The following COL12A1 variants were observed in gnomAD, a reference collection of about 807,000 sequenced individuals.
COL12A1 encodes the protein collagen type XII alpha 1 chain.
In COL12A1, 114 loss-of-function variants were observed where a neutral mutation model predicts 349.7. The ratio of observed to expected loss-of-function variants is 0.33; its 90% CI spans 0.28 to 0.38. COL12A1 has a LOEUF of 0.38. COL12A1 is among the 10% of genes least tolerant of loss of function. The pLI, the probability that COL12A1 is intolerant of heterozygous loss-of-function variation, is 1.00. For missense variants in COL12A1, 3,284 were observed against 3,756.9 expected, an observed-to-expected ratio of 0.87 and a Z score of 3.29; for synonymous variants, 1,369 against 1,329.0, an observed-to-expected ratio of 1.03 and a Z score of -0.66.
chr6:75,122,585 G>A lies in COL12A1; in HGVS notation c.6946+745C>T, dbSNP rs539607278. On this transcript the variant is annotated intron_variant, in intron 43 of 65. Coordinates refer to ENST00000322507, the MANE Select transcript of COL12A1 (RefSeq NM_004370.6). Reference sequence around the variant, plus strand: ...AATTTCTTTCTGTATCTAATTTAAAGGAATCCATTATTATTTTACCCCACA... The same window carrying A: ...AATTTCTTTCTGTATCTAATTTAAAAGAATCCATTATTATTTTACCCCACA... 4.8e-3 allele frequency among the ~76,000 whole-genome samples: 726 copies of A among 152,094 alleles called. 1 individual carries two copies. Among genetic ancestry groups the A allele is most frequent in the Middle Eastern group, 0.041 (12 of 294 alleles).
Position 75,101,759 on chromosome 6 carries a change from T to C in COL12A1, c.8470-106A>G, listed in dbSNP as rs1164590305. The C allele has an allele frequency of 4.7e-6, 6 of 1,288,376 alleles. No homozygotes were observed. In the Admixed American group the frequency reaches 1.3e-4, roughly 27 times the overall value. 79.8% of individuals were successfully genotyped at this position (1,288,376 alleles called of 1,614,324 possible). A position where few individuals can be genotyped will look rare whatever the true frequency, so the allele number is the denominator to read the frequency against. On this transcript the variant is annotated intron_variant, in intron 57 of 65. Coordinates refer to ENST00000322507, the MANE Select transcript of COL12A1 (RefSeq NM_004370.6). The stretch of plus-strand genomic sequence containing the variant: ...TTTTTTTAATTCCAGAGACTCTGAA[T>C]AGAAACAGGAGAACAGAGCCAAGCA...
At chr6:75,099,205 T>C (rs1484707867) in intron 58 of COL12A1, among the ~76,000 whole-genome samples, 1 of 152,226 alleles carries the variant, frequency 6.6e-6, no homozygotes, top group Admixed American at 6.5e-5. Context: ...GTTGGAAATA[T>C]TCCACTTCCC....
intron 21 of COL12A1, 61 bp downstream of exon 21, chr6:75,151,080 A>C: frequency 1.3e-6 from 1 of 745,758 alleles, no homozygotes; most frequent in Non-Finnish European, 1.9e-6. Flanking sequence ...ACCCAAAAGA[A>C]TAATTATTTG....
intron 21 of COL12A1, among the ~76,000 whole-genome samples, chr6:75,150,473 T>G (rs571235550): frequency 6.6e-6 from 1 of 152,320 alleles, no homozygotes; most frequent in African/African-American, 2.4e-5. Flanking sequence ...AGAGGTTATA[T>G]AATTTCTAAA....
At chr6:75,105,478 G>A (rs551781703) in intron 53 of COL12A1, among the ~76,000 whole-genome samples, 186 bp from the exon 54 acceptor site, 26 of 151,802 alleles carry the variant, frequency 1.7e-4, no homozygotes, top group Middle Eastern at 6.8e-3. Context: ...TATGCATTAC[G>A]TTAGGAAACC....
At chr6:75,161,480 C>G (rs1031737153) in intron 14 of COL12A1, among the ~76,000 whole-genome samples, 5 of 152,040 alleles carry the variant, frequency 3.3e-5, no homozygotes, top group African/African-American at 1.2e-4. Flanking sequence ...CAATCGTAAC[C>G]TAAAAATGAA....
At chr6:75,190,986 C>T (rs779529969) in intron 5 of COL12A1, among the ~76,000 whole-genome samples, 19 of 151,812 alleles carry the variant, frequency 1.3e-4, no homozygotes, top group Non-Finnish European at 2.7e-4. Context: ...TATTGTCATT[C>T]TGGGTCATAA....
At chr6:75,104,399 C>CTA (rs1299156423) in intron 54 of COL12A1, among the ~76,000 whole-genome samples, 2 of 152,118 alleles carry the variant, frequency 1.3e-5, no homozygotes, top group Non-Finnish European at 2.9e-5. Flanking sequence ...CATTTTGATT[C>CTA]TATATATGAG....
chr6:75,150,390 C>T (rs980032116), intron 21 of COL12A1, among the ~76,000 whole-genome samples: 1 of 152,068 alleles, frequency 6.6e-6, no homozygotes. Context: ...TTTAATACCC[C>T]TAAAAACATC....
At chr6:75,141,234 G>A (rs760426669) in intron 27 of COL12A1, among the ~76,000 whole-genome samples, 7 of 152,120 alleles carry the variant, frequency 4.6e-5, no homozygotes, top group Non-Finnish European at 5.9e-5. Flanking sequence ...TATGTAATGG[G>A]CTGAGCACTG....
chr6:75,134,967 G>C, intron 31 of COL12A1, 112 bp from the exon 32 acceptor site: 1 of 1,133,220 alleles, frequency 8.8e-7, no homozygotes, highest in Non-Finnish European at 1.2e-6. Flanking sequence ...TCAAGTTCCA[G>C]AATTACATAC....
intron 53 of COL12A1, 80 bp downstream of exon 53, chr6:75,106,339 C>T (rs1382510738): frequency 1.7e-6 from 2 of 1,200,408 alleles, no homozygotes; most frequent in African/African-American, 3.0e-5. Flanking sequence ...CTGTGCAGTG[C>T]TACTTCCTCT....
In COL12A1 at chr6:75,133,374, G is replaced by A. The variant is rs1766408982; in HGVS notation, c.5713C>T (p.Pro1905Ser). 1 of 1,612,408 alleles carries A rather than the reference G, an allele frequency of 6.2e-7. No individual in the cohort carries two copies. Among genetic ancestry groups the A allele is most frequent in the African/African-American group, 1.3e-5 (1 of 74,992 alleles). Residue 1905 changes from proline (P) to serine (S), a missense_variant, in exon 34 of 66, where the codon CCA (proline) becomes TCA (serine). Physicochemically the swap from Pro to Ser is moderately conservative, Grantham distance 74 (BLOSUM62 -1). Transcript: ENST00000322507. ...ACAGTCACAGTGTATGAGGTATCTG[G>A]CTGCAGATTCCTAAGAATGGCATAA... ...TNYAILRNLQPDTSYTVTVVP... is the reference protein window; with the variant it reads ...TNYAILRNLQSDTSYTVTVVP...
At chr6:75,136,666 G>T (rs1766622712) in intron 31 of COL12A1, among the ~76,000 whole-genome samples, 1 of 152,182 alleles carries the variant, frequency 6.6e-6, no homozygotes, top group Admixed American at 6.5e-5. Context: ...CAAAACTGGA[G>T]ATTTATTTTG....
In COL12A1 at chr6:75,116,074, T is replaced by C. The variant is rs770500462; in HGVS notation, c.7520-17A>G. Reference sequence around the variant, plus strand: ...GAGGACAACCTGCAATGTACAGTGTTCTTTAAGTATGATTCACCAACACGA... The same window carrying C: ...GAGGACAACCTGCAATGTACAGTGTCCTTTAAGTATGATTCACCAACACGA... On this transcript the variant is annotated splice_polypyrimidine_tract_variant and intron_variant, in intron 47 of 65. Coordinates refer to ENST00000322507, the MANE Select transcript of COL12A1 (RefSeq NM_004370.6). 2.1e-5 allele frequency: 34 copies of C among 1,612,308 alleles called. No individual in the cohort carries two copies. Among genetic ancestry groups the C allele is most frequent in the Admixed American group, 2.0e-4 (12 of 59,894 alleles).
chr6:75,164,463 A>G (rs746661439), intron 14 of COL12A1, among the ~76,000 whole-genome samples: 14 of 152,158 alleles, frequency 9.2e-5, no homozygotes, highest in Non-Finnish European at 1.3e-4. Context: ...TTTTCCTAAA[A>G]CCTTCCCAAA....
At chr6:75,117,121 G>A (rs1276496650) in intron 47 of COL12A1, among the ~76,000 whole-genome samples, 1 of 152,118 alleles carries the variant, frequency 6.6e-6, no homozygotes, top group Non-Finnish European at 1.5e-5. Context: ...AATGTCATAG[G>A]CATTGGGGTG....
At chr6:75,112,981 GAAAT>G in intron 51 of COL12A1, 1 of 286,220 alleles carries the variant, frequency 3.5e-6, no homozygotes. Context: ...ATTTTAAAAA[GAAAT>G]AAGCATTAAA....
At position 75,145,386 on chromosome 6, in the gene COL12A1, T is replaced by C. The variant is rs777544552; in HGVS notation, c.4630A>G (p.Thr1544Ala). ...AGGTCGTGCAGGACAGCCTGGACTG[T>C]GACTGCATACTCCGTGTTGGGAACA... ...DLVPNTEYAV[T>A]VQAVLHDLTS... Residue 1544 changes from threonine (T) to alanine (A), a missense_variant, in exon 25 of 66, where the codon ACA (threonine) becomes GCA (alanine). This residue lies in a region of COL12A1 where 2,601 missense variants were observed against 2,824.8 expected (regional missense o/e 0.92). Coordinates refer to ENST00000322507, the MANE Select transcript of COL12A1 (RefSeq NM_004370.6). 32 of 1,613,926 alleles carry C rather than the reference T, an allele frequency of 2.0e-5. No homozygotes were observed. In the African/African-American group the frequency reaches 4.1e-4, roughly 21 times the overall value.
Sources: allele counts gnomAD v4.1 joint callset (sites outside exome capture counted in the v4.1 genomes callset), GRCh38; gene constraint gnomAD v4.1.1; regional missense constraint gnomAD v4.1.1; transcripts MANE v1.5; gene names NCBI Gene and HGNC (gene_info 2026-07-23, HGNC 2026-07-21).